DUOX1: variants seen among roughly 807,000 people sequenced by gnomAD.
The protein encoded by DUOX1 is dual oxidase 1.
A neutral mutation model predicts 181.8 loss-of-function variants in DUOX1; 134 were observed. The ratio of observed to expected loss-of-function variants is 0.74; its 90% confidence interval spans 0.64 to 0.85. The LOEUF is 0.85. Among genes scored for constraint, DUOX1 ranks in the 40% least tolerant of loss-of-function variants. DUOX1 has a pLI of 0.00. For synonymous variants in DUOX1, 798 were observed against 832.5 expected, an observed-to-expected ratio of 0.96 and a Z score of 0.71; for missense variants, 1,814 against 2,064.4, an observed-to-expected ratio of 0.88 and a Z score of 2.35.
intron 33 of DUOX1, 37 bp downstream of exon 33, chr15:45,163,955 A>T (rs2141315240): frequency 6.2e-7 from 1 of 1,606,798 alleles, no homozygotes; most frequent in African/African-American, 1.3e-5. Flanking sequence ...CTTCCTCTTT[A>T]TCATTTGGGG....
Position 45,143,172 on chromosome 15 carries a change from C to T in DUOX1, c.1823-18C>T. On this transcript the variant is annotated intron_variant, in intron 15 of 33. Coordinates refer to ENST00000389037, the MANE Select transcript of DUOX1 (RefSeq NM_175940.3). ...TAGACCCCCACGTCTCCCTGAACCT[C>T]TGCCTCTGCCCTCCCAGTGAGCCTG... 1 of 1,608,964 alleles carries T rather than the reference C, an allele frequency of 6.2e-7. No individual in the cohort carries two copies. The highest frequency in any genetic ancestry group is 8.5e-7 in the Non-Finnish European group (1 of 1,175,672).
Position 45,135,495 on chromosome 15 carries a change from C to G in DUOX1, c.517C>G (p.Leu173Val), listed in dbSNP as rs1433313733. The G allele has an allele frequency of 1.3e-6, 2 of 1,555,966 alleles. No individual in the cohort carries two copies. Among genetic ancestry groups the G allele is most frequent in the Non-Finnish European group, 1.7e-6 (2 of 1,151,482 alleles). The change falls in exon 6 of 34, where the codon CTG becomes GTG. Residue 173 changes from leucine (L) to valine (V), a missense_variant. Coordinates refer to ENST00000389037, the MANE Select transcript of DUOX1 (RefSeq NM_175940.3). Reference sequence around the variant, plus strand: ...GCAGGCCAACCAGGTGACGGGCTGGCTGGACGGCAGCGCCATCTATGGTTC... The same window carrying G: ...GCAGGCCAACCAGGTGACGGGCTGGGTGGACGGCAGCGCCATCTATGGTTC... ...RDPANQVTGW[L>V]DGSAIYGSSH... is the part of the protein sequence containing the mutation.
intron 12 of DUOX1, chr15:45,140,552 C>A (rs1595580178): frequency 4.8e-6 from 1 of 207,142 alleles, no homozygotes; most frequent in East Asian, 1.1e-4. Flanking sequence ...AGAATAGAAA[C>A]CTTTTATAAC....
intron 10 of DUOX1, among the ~76,000 whole-genome samples, chr15:45,138,328 T>C (rs547739696): frequency 1.2e-4 from 19 of 152,210 alleles, no homozygotes; most frequent in African/African-American, 4.6e-4. Context: ...CCCTCTCACG[T>C]TTTCCCTCTC....
intron 2 of DUOX1, among the ~76,000 whole-genome samples, chr15:45,133,529 G>T (rs1300905847): frequency 6.6e-6 from 1 of 152,082 alleles, no homozygotes; most frequent in Non-Finnish European, 1.5e-5. Flanking sequence ...AGTTTAAGGG[G>T]AGTAAAGTCC....
chr15:45,141,660 C>T (rs1294941574), intron 14 of DUOX1, among the ~76,000 whole-genome samples: 2 of 152,068 alleles, frequency 1.3e-5, no homozygotes, highest in Non-Finnish European at 2.9e-5. Context: ...TGAGGAGGTT[C>T]ACATTCGGCT....
chr15:45,149,607 G>A (rs1356823374), intron 21 of DUOX1, among the ~76,000 whole-genome samples: 1 of 152,180 alleles, frequency 6.6e-6, no homozygotes, highest in African/African-American at 2.4e-5. Context: ...CCAGCACTTT[G>A]GGAGGCCAAA....
rs762085383 is a variant in DUOX1 at position 45,160,894 on chromosome 15, C to T, written c.3760C>T (p.Leu1254=). 1.9e-6 allele frequency: 3 copies of T among 1,613,766 alleles called. No individual in the cohort carries two copies. The highest frequency in any genetic ancestry group is 1.7e-5 in the Admixed American group (1 of 59,988). The part of the protein sequence containing the change: ...IQLPRFHIFF[L]VPAIIYGGDK... ...GCTGCCCCGTTTCCACATCTTCTTCCTGGTCCCAGCAATCATCTATGGGGG... is the reference window on the plus strand; with the variant it reads ...GCTGCCCCGTTTCCACATCTTCTTCTTGGTCCCAGCAATCATCTATGGGGG... The change falls in exon 29 of 34, where the codon CTG becomes TTG. Residue 1254 remains leucine (L), a synonymous_variant. Coordinates refer to ENST00000389037, the MANE Select transcript of DUOX1 (RefSeq NM_175940.3).
chr15:45,157,909 C>T (rs1897003473), intron 28 of DUOX1, among the ~76,000 whole-genome samples: 1 of 152,078 alleles, frequency 6.6e-6, no homozygotes, highest in African/African-American at 2.4e-5. Context: ...AATCTCATCT[C>T]AGGGAGATCA....
chr15:45,152,855 T>C, intron 25 of DUOX1: 1 of 431,042 alleles, frequency 2.3e-6, no homozygotes, highest in Non-Finnish European at 4.3e-6. Context: ...TGCTGTAATT[T>C]CAGACTCACA....
rs552301388 is a variant in DUOX1 at position 45,151,155 on chromosome 15, G to T, written c.2921G>T (p.Arg974Leu). Residue 974 changes from arginine to leucine, a missense_variant, in exon 23 of 34, where the codon CGC becomes CTC. This residue lies in a region of DUOX1 where 1,064 missense variants were observed against 1,152.9 expected (regional missense o/e 0.92). Transcript: ENST00000389037. Reference protein sequence around the residue: ...PSPRVSARCSRSDIETELTPQ... With the variant: ...PSPRVSARCSLSDIETELTPQ... ...CCCAGAGTGAGTGCCCGCTGTTCCCGCAGCGACATTGAGACTGAGTTGACA... is the reference window on the plus strand; with the variant it reads ...CCCAGAGTGAGTGCCCGCTGTTCCCTCAGCGACATTGAGACTGAGTTGACA... The T allele has an allele frequency of 1.2e-6, 2 of 1,614,016 alleles. No homozygotes were observed. Among genetic ancestry groups the T allele is most frequent in the Middle Eastern group, 1.6e-4 (1 of 6,084 alleles).
In DUOX1 at chr15:45,135,602, C is replaced by G; in HGVS notation, c.624C>G (p.Asp208Glu). ...GGCCCGACCCCGCTTTTCCCCGAGACTCGCAGAACCCCCTGCTCATGTGGG... is the reference window on the plus strand; with the variant it reads ...GGCCCGACCCCGCTTTTCCCCGAGAGTCGCAGAACCCCCTGCTCATGTGGG... ...ASGPDPAFPR[D>E]SQNPLLMWAA... The change falls in exon 6 of 34, where the codon GAC (aspartate) becomes GAG (glutamate). Residue 208 changes from aspartate to glutamate, a missense_variant. Coordinates refer to ENST00000389037, the MANE Select transcript of DUOX1 (RefSeq NM_175940.3). 6.4e-7 allele frequency: 1 copy of G among 1,563,826 alleles called. No individual in the cohort carries two copies. The highest frequency in any genetic ancestry group is 8.7e-7 in the Non-Finnish European group (1 of 1,155,448).
chr15:45,154,695 T>C (rs532396656), intron 27 of DUOX1, among the ~76,000 whole-genome samples: 2 of 152,252 alleles, frequency 1.3e-5, no homozygotes, highest in African/African-American at 4.8e-5. Context: ...GCTGTGTTTA[T>C]GCTCTCCTCT....
At chr15:45,132,139 ACACAGTGCCCTG>A in intron 2 of DUOX1, 115 bp downstream of exon 2, 1 of 914,584 alleles carries the variant, frequency 1.1e-6, no homozygotes, top group African/African-American at 1.7e-5. Flanking sequence ...TCTCTAGCTG[ACACAGTGCCCTG>A]CACATGAGAG....
chr15:45,162,291 G>T lies in DUOX1; in HGVS notation c.4162G>T (p.Gly1388Trp). 1 of 1,613,876 alleles carries T rather than the reference G, an allele frequency of 6.2e-7. No individual in the cohort carries two copies. The highest frequency in any genetic ancestry group is 8.5e-7 in the Non-Finnish European group (1 of 1,179,892). Residue 1388 changes from glycine (G) to tryptophan (W), a missense_variant, in exon 31 of 34, where the codon GGG becomes TGG. By Grantham distance (184) the Gly-to-Trp change is radical (BLOSUM62 -2). Transcript: ENST00000389037. ...HKFEVSVLVGGGIGVTPFASI... is the reference protein window; with the variant it reads ...HKFEVSVLVGWGIGVTPFASI... ...GTTTGAGGTGTCAGTGTTAGTGGGA[G>T]GGGGCATTGGGGTCACCCCTTTTGC...
rs1896046650 is a variant in DUOX1, at chr15:45,130,016, CGAGAG to C, written c.-131_-127del. 6.6e-6 allele frequency: 1 copy of C among 152,260 alleles called. No homozygotes were observed. The highest frequency in any genetic ancestry group is 1.5e-5 in the Non-Finnish European group (1 of 68,088). The allele number at this position is 152,260 out of a possible 1,614,324, so 9.4% of individuals were successfully genotyped here. On this transcript the variant is annotated 5_prime_UTR_variant, in exon 1 of 34. Transcript: ENST00000389037. ...GGCGCAGAGCTGCAGAGGCACCGGA[CGAGAG>C]AGGGCTCCGCGGGCCCAGCTGGCAG...
intron 9 of DUOX1, 96 bp from the exon 10 acceptor site, chr15:45,137,828 C>T: frequency 4.2e-6 from 4 of 951,552 alleles, no homozygotes; most frequent in Non-Finnish European, 6.1e-6. Flanking sequence ...AGACGATGGC[C>T]TGGGGTCCCT....
chr15:45,141,880 C>A, intron 14 of DUOX1, 95 bp from the exon 15 acceptor site: 1 of 1,448,658 alleles, frequency 6.9e-7, no homozygotes, highest in Non-Finnish European at 9.3e-7. Flanking sequence ...CCCAGAGTGC[C>A]CCCACCCCCT....
intron 12 of DUOX1, 87 bp from the exon 13 acceptor site, chr15:45,140,808 C>A: frequency 7.6e-7 from 1 of 1,317,908 alleles, no homozygotes; most frequent in Non-Finnish European, 1.1e-6. Context: ...TTATTATCAT[C>A]CCTGGGGCTA....
Sources: allele counts gnomAD v4.1 joint callset (sites outside exome capture counted in the v4.1 genomes callset), GRCh38; gene constraint gnomAD v4.1.1; regional missense constraint gnomAD v4.1.1; transcripts MANE v1.5; gene names NCBI Gene and HGNC (gene_info 2026-07-23, HGNC 2026-07-21).